The following TEX14 variants were observed in gnomAD, a reference collection of about 807,000 sequenced individuals.
TEX14 encodes the protein testis expressed 14, intercellular bridge forming factor, also known as inactive serine/threonine-protein kinase TEX14.
TEX14 carries 168 observed loss-of-function variants against 178.6 expected under a neutral mutation model. The ratio of observed to expected loss-of-function variants is 0.94; its 90% CI spans 0.83 to 1.07. TEX14 has a LOEUF of 1.07. Ranked by LOEUF, TEX14 falls within the 50% of genes least tolerant of loss-of-function variation. The pLI is 0.00. For synonymous variants in TEX14, 626 were observed against 634.1 expected, an observed-to-expected ratio of 0.99 and a Z score of 0.19; for missense variants, 1,730 against 1,753.6, an observed-to-expected ratio of 0.99 and a Z score of 0.24.
At chr17:58,673,584 G>A (rs1295617980) in intron 1 of TEX14, among the ~76,000 whole-genome samples, 1 of 151,830 alleles carries the variant, frequency 6.6e-6, no homozygotes, top group Non-Finnish European at 1.5e-5. Context: ...TTGAGACAGG[G>A]TCTTGTTCTG....
At chr17:58,633,165 G>C (rs575185353) in intron 2 of TEX14, among the ~76,000 whole-genome samples, 2 of 152,146 alleles carry the variant, frequency 1.3e-5, no homozygotes, top group South Asian at 4.2e-4. Flanking sequence ...TCCCTGACAG[G>C]GATTCTCCTC....
chr17:58,685,938 T>C (rs891752922), intron 1 of TEX14, among the ~76,000 whole-genome samples: 1 of 133,122 alleles, frequency 7.5e-6, no homozygotes, highest in Non-Finnish European at 1.5e-5. Context: ...GAGGTTGCAG[T>C]GAGCCGAGAT....
intron 5 of TEX14, among the ~76,000 whole-genome samples, chr17:58,621,185 GCTGC>G (rs758489188): frequency 6.6e-6 from 1 of 152,214 alleles, no homozygotes; most frequent in African/African-American, 2.4e-5. Flanking sequence ...AGAAGAGGGG[GCTGC>G]CCATCCAGCT....
intron 1 of TEX14, chr17:58,660,442 T>C (rs1400011398): frequency 5.9e-6 from 3 of 508,864 alleles, no homozygotes; most frequent in African/African-American, 3.9e-5. Context: ...TAACACTTTA[T>C]TGAACTCAAA....
intron 1 of TEX14, among the ~76,000 whole-genome samples, chr17:58,657,966 T>C (rs1043326859): frequency 3.9e-5 from 6 of 152,334 alleles, no homozygotes; most frequent in Non-Finnish European, 7.3e-5. Flanking sequence ...TTGCACTTGA[T>C]AGATCAGCTG....
intron 1 of TEX14, among the ~76,000 whole-genome samples, chr17:58,664,095 T>C (rs2047166391): frequency 6.6e-6 from 1 of 152,186 alleles, no homozygotes; most frequent in Non-Finnish European, 1.5e-5. Context: ...TTTAGTACAA[T>C]TGCTGATTTA....
chr17:58,685,996 CAAAAAAAAAAA>C, intron 1 of TEX14, among the ~76,000 whole-genome samples: 1 of 82,626 alleles, frequency 1.2e-5, no homozygotes, highest in South Asian at 4.7e-4. Flanking sequence ...CTCTGTCTCA[CAAAAAAAAAAA>C]AAAAAAAAAG....
At chr17:58,634,360 C>T (rs985224285) in intron 2 of TEX14, among the ~76,000 whole-genome samples, 1 of 152,132 alleles carries the variant, frequency 6.6e-6, no homozygotes, top group African/African-American at 2.4e-5. Context: ...TTGCAGTGAG[C>T]TGAGATTGTG....
Position 58,621,676 on chromosome 17 carries a change from C to A in TEX14, c.528G>T (p.Pro176=), listed in dbSNP as rs756710347. 3 of 1,613,964 alleles carry A rather than the reference C, an allele frequency of 1.9e-6. No individual in the cohort carries two copies. The South Asian group carries it at 3.3e-5, about 18-fold the overall frequency. The change falls in exon 5 of 32, where the codon CCG becomes CCT. Residue 176 remains proline (P), a synonymous_variant. Coordinates refer to ENST00000349033, the MANE Select transcript of TEX14 (RefSeq NM_031272.5). ...IDSPQRLVYS[P]SWCGGLVQGN... is the part of the protein sequence containing the mutation. Reference sequence around the variant, plus strand: ...CCTGCACGAGGCCCCCACACCAGGACGGGCTGTAGACAAGCCGCTGCGGGG... The same window carrying A: ...CCTGCACGAGGCCCCCACACCAGGAAGGGCTGTAGACAAGCCGCTGCGGGG...
chr17:58,633,762 C>A (rs631843), intron 2 of TEX14, among the ~76,000 whole-genome samples: 96,769 of 151,904 alleles, frequency 0.64, 31,172 homozygotes, highest in African/African-American at 0.71. Flanking sequence ...AGGTCAGGAG[C>A]TCGAGACCTG....
intron 1 of TEX14, among the ~76,000 whole-genome samples, chr17:58,677,114 C>T (rs1287810426): frequency 3.0e-5 from 4 of 133,754 alleles, no homozygotes; most frequent in Non-Finnish European, 3.2e-5. Flanking sequence ...AGGGAAACTC[C>T]GTCTCAAAAA....
rs34275691 is a variant in TEX14 at position 58,659,279 on chromosome 17, A to C, written c.-1-7277T>G. On this transcript the variant is annotated intron_variant, in intron 1 of 31. Coordinates refer to ENST00000349033, the MANE Select transcript of TEX14 (RefSeq NM_031272.5). ...AGAAAAACACTTTATCAGGACCAACAGCGTCTCTCCCCCGCCACAAAGACA... is the reference window on the plus strand; with the variant it reads ...AGAAAAACACTTTATCAGGACCAACCGCGTCTCTCCCCCGCCACAAAGACA... 699 of 922,286 alleles carry C rather than the reference A, an allele frequency of 7.6e-4. 2 individuals are homozygous for C. Among genetic ancestry groups the C allele is most frequent in the Middle Eastern group, 6.1e-3 (11 of 1,804 alleles). 57.1% of individuals were successfully genotyped at this position (922,286 alleles called of 1,614,324 possible).
intron 15 of TEX14, among the ~76,000 whole-genome samples, chr17:58,588,582 G>A (rs1409050410): frequency 6.6e-6 from 1 of 152,102 alleles, no homozygotes; most frequent in African/African-American, 2.4e-5. Flanking sequence ...ACCATGCCCG[G>A]CCTAACGTTT....
intron 1 of TEX14, among the ~76,000 whole-genome samples, chr17:58,655,490 T>C (rs2046938281): frequency 6.6e-6 from 1 of 151,298 alleles, no homozygotes; most frequent in Non-Finnish European, 1.5e-5. Context: ...CGACTAATGT[T>C]TGTATTTTTA....
chr17:58,660,068 T>C (rs1201029808), intron 1 of TEX14, among the ~76,000 whole-genome samples: 1 of 151,686 alleles, frequency 6.6e-6, no homozygotes, highest in East Asian at 1.9e-4. Flanking sequence ...CAAAACTAGA[T>C]TGATGGCTCA....
At position 58,599,305 on chromosome 17, in the gene TEX14, G is replaced by T; in HGVS notation, c.2040C>A (p.Ser680Arg). 4 of 1,613,382 alleles carry T rather than the reference G, an allele frequency of 2.5e-6. No individual in the cohort carries two copies. Among genetic ancestry groups the T allele is most frequent in the Non-Finnish European group, 3.4e-6 (4 of 1,180,012 alleles). The change falls in exon 14 of 32, where the codon AGC becomes AGA. Residue 680 changes from serine to arginine, a missense_variant. Physicochemically the swap from Ser to Arg is moderately radical, Grantham distance 110. Around this residue, in one of 2 missense-constraint regions of TEX14, gnomAD observed 941 missense variants for 1,072.4 expected, o/e 0.88. Coordinates refer to ENST00000349033, the MANE Select transcript of TEX14 (RefSeq NM_031272.5). ...AGTACTCTGTCTCAGCTTTTGAAGA[G>T]CTCTCATCCTCACTGCCAAAACAAC... Reference protein sequence around the residue: ...EACCFGSEDESSSKAETEYSF... With the variant: ...EACCFGSEDERSSKAETEYSF...
chr17:58,583,803 C>T (rs557205039), intron 19 of TEX14, among the ~76,000 whole-genome samples: 3 of 152,304 alleles, frequency 2.0e-5, no homozygotes, highest in Admixed American at 2.0e-4. Flanking sequence ...ATAAGTTGAT[C>T]TTATGAATGG....
At chr17:58,626,233 G>T (rs1395197221) in intron 3 of TEX14, among the ~76,000 whole-genome samples, 1 of 152,112 alleles carries the variant, frequency 6.6e-6, no homozygotes, top group African/African-American at 2.4e-5. Context: ...GACTTCAATA[G>T]GTCCAGTCCA....
intron 23 of TEX14, among the ~76,000 whole-genome samples, chr17:58,572,559 G>A (rs1292745074): frequency 1.3e-5 from 2 of 151,812 alleles, no homozygotes; most frequent in African/African-American, 2.4e-5. Context: ...ATGAACCCGG[G>A]AGGCGGAGCT....
Sources: gnomAD v4.1 joint callset for allele counts (sites outside exome capture counted in the v4.1 genomes callset) on GRCh38, gnomAD v4.1.1 for gene constraint, gnomAD v4.1.1 regional missense constraint, MANE v1.5 for transcripts, NCBI Gene and HGNC (gene_info 2026-07-23, HGNC 2026-07-21) for gene names.